Variants in NOP2 observed in about 807,000 individuals in gnomAD.
NOP2 encodes NOP2 nucleolar protein.
In NOP2, 7 loss-of-function variants were observed where a neutral mutation model predicts 72.7. That is an observed-to-expected ratio of 0.10 (90% confidence interval 0.05 to 0.18). NOP2 has a LOEUF of 0.18. NOP2 is among the 10% of genes least tolerant of loss of function. NOP2 has a pLI of 1.00. For missense variants in NOP2, 954 were observed against 1,014.7 expected (o/e 0.94, Z 0.81); for synonymous variants, 387 against 388.0 (o/e 1.00, Z 0.03).
At chr12:6,567,948 G>A (rs746541453) in intron 1 of NOP2, 26 bp from the exon 2 acceptor site, 1 of 1,578,936 alleles carries the variant, frequency 6.3e-7, no homozygotes. Flanking sequence ...ATGGGAGAAG[G>A]TGGCGTCGCG....
At chr12:6,558,613 T>C (rs527465041) in intron 15 of NOP2, among the ~76,000 whole-genome samples, 1 of 149,358 alleles carries the variant, frequency 6.7e-6, no homozygotes, top group East Asian at 1.9e-4. Context: ...TATTTATCTT[T>C]TTTTTTTTTT....
At position 6,560,529 on chromosome 12, in the gene NOP2, T is replaced by C. The variant is rs772238735; in HGVS notation, c.1478A>G (p.Glu493Gly). 17 of 1,603,924 alleles carry C rather than the reference T, an allele frequency of 1.1e-5. No homozygotes were observed. The highest frequency in any genetic ancestry group is 1.4e-5 in the Non-Finnish European group (16 of 1,174,240). Residue 493 changes from glutamate to glycine, a missense_variant, in exon 14 of 16, where the codon GAG (glutamate) becomes GGG (glycine). Glu to Gly is a moderately conservative substitution (Grantham distance 98, BLOSUM62 -2). Coordinates refer to ENST00000322166, the MANE Select transcript of NOP2 (RefSeq NM_001258308.2). The surrounding 1 kb of genome is among the most constrained non-coding windows in gnomAD (Gnocchi z 5.0). ...AGAGTCAATAGCACTCAGGAGCAACTCCTTCTGGAGGTGAGCACAGCGCAG... is the reference window on the plus strand; with the variant it reads ...AGAGTCAATAGCACTCAGGAGCAACCCCTTCTGGAGGTGAGCACAGCGCAG... ...DILRCAHLQKELLLSAIDSVN... is the reference protein window; with the variant it reads ...DILRCAHLQKGLLLSAIDSVN...
intron 15 of NOP2, 123 bp from the exon 16 acceptor site, chr12:6,557,765 G>T (rs1343525446): frequency 2.0e-6 from 2 of 1,016,232 alleles, no homozygotes; most frequent in South Asian, 1.6e-5. Context: ...TTAGGTCAGT[G>T]CCTAAGAGCA....
intron 9 of NOP2, among the ~76,000 whole-genome samples, 164 bp from the exon 10 acceptor site, chr12:6,562,135 C>T (rs1947668711): frequency 6.6e-6 from 1 of 151,926 alleles, no homozygotes; most frequent in African/African-American, 2.4e-5. Context: ...GGACAACGGG[C>T]ATGTACCACC....
rs1214338291 is a variant in NOP2 at position 6,561,958 on chromosome 12, C to T, written c.992G>A (p.Arg331His). ...RRDLAQALIN[R>H]GVNLDPLGKW... is the part of the protein sequence containing the mutation. ...GCCCAGGGGATCCAGGTTAACCCCA[C>T]GATTGATTAGAGCCTGAAAAGGGAT... Residue 331 changes from arginine (R) to histidine (H), a missense_variant, in exon 10 of 16, where the codon CGT becomes CAT. Transcript: ENST00000322166. The T allele has an allele frequency of 5.0e-6, 8 of 1,606,200 alleles. No individual in the cohort carries two copies. The highest frequency in any genetic ancestry group is 1.1e-5 in the South Asian group (1 of 90,218).
At position 6,557,320 on chromosome 12, in the gene NOP2, T is replaced by G; in HGVS notation, c.2112A>C (p.Lys704Asn). 2 of 1,614,036 alleles carry G rather than the reference T, an allele frequency of 1.2e-6. No individual in the cohort carries two copies. Among genetic ancestry groups the G allele is most frequent in the Non-Finnish European group, 1.7e-6 (2 of 1,179,890 alleles). The change falls in exon 16 of 16, where the codon AAA (lysine) becomes AAC (asparagine). Residue 704 changes from lysine (K) to asparagine (N), a missense_variant. Physicochemically the swap from Lys to Asn is moderately conservative, Grantham distance 94. This residue lies in a region of NOP2 where 269 missense variants were observed against 260.2 expected (regional missense o/e 1.03). Coordinates refer to ENST00000322166, the MANE Select transcript of NOP2 (RefSeq NM_001258308.2). ...VTGKLKQRSP[K>N]LQSSKKVAFL... ...AAGCAACTTTCTTGGAGGACTGTAA[T>G]TTAGGTGATCGTTGCTTTAGCTTCC... is the stretch of plus-strand genomic sequence containing the variant.
At chr12:6,563,989 T>C in intron 5 of NOP2, 43 bp from the exon 6 acceptor site, 1 of 1,600,136 alleles carries the variant, frequency 6.2e-7, no homozygotes, top group Non-Finnish European at 8.5e-7. Context: ...TGCCCTTCCA[T>C]CAGCCCTTGT....
rs1335065578 is a variant in NOP2 at position 6,568,264 on chromosome 12, G to A, written c.-62C>T. 1 of 217,792 alleles carries A rather than the reference G, an allele frequency of 4.6e-6. No homozygotes were observed. The highest frequency in any genetic ancestry group is 8.0e-5 in the South Asian group (1 of 12,538). The allele number at this position is 217,792 out of a possible 1,614,324, so 13.5% of individuals were successfully genotyped here. On this transcript the variant is annotated 5_prime_UTR_variant, in exon 1 of 16. Coordinates refer to ENST00000322166, the MANE Select transcript of NOP2 (RefSeq NM_001258308.2). ...CGGGCGGCCCTCCACGTGCAATCCG[G>A]ACCTAGCTTTCGGCCGGCACTCGCC...
intron 2 of NOP2, chr12:6,567,611 A>G: frequency 2.1e-6 from 1 of 481,954 alleles, no homozygotes; most frequent in Non-Finnish European, 3.7e-6. Context: ...CCTTGCATGA[A>G]TAATAGTTGT....
rs763431749 is a variant in NOP2 at position 6,560,990 on chromosome 12, G to A, written c.1288C>T (p.His430Tyr). 6.2e-7 allele frequency: 1 copy of A among 1,614,010 alleles called. No homozygotes were observed. The highest frequency in any genetic ancestry group is 1.1e-5 in the South Asian group (1 of 91,086). ...ATGGTGTTGGTGACTCCCAGCCGATGCAAGTTGCCCACAACACTCTTGAGC... is the reference window on the plus strand; with the variant it reads ...ATGGTGTTGGTGACTCCCAGCCGATACAAGTTGCCCACAACACTCTTGAGC... Reference protein sequence around the residue: ...ERLKSVVGNLHRLGVTNTIIS... With the variant: ...ERLKSVVGNLYRLGVTNTIIS... The change falls in exon 12 of 16, where the codon CAT becomes TAT. Residue 430 changes from histidine (H) to tyrosine (Y), a missense_variant. Physicochemically the swap from His to Tyr is moderately conservative, Grantham distance 83. Around this residue, in one of 3 missense-constraint regions of NOP2, gnomAD observed 187 missense variants for 276.2 expected, o/e 0.68. Transcript: ENST00000322166. The surrounding 1 kb of genome is among the most constrained non-coding windows in gnomAD (Gnocchi z 5.0).
At position 6,560,836 on chromosome 12, in the gene NOP2, G is replaced by A. The variant is rs534654134; in HGVS notation, c.1348-49C>T. On this transcript the variant is annotated intron_variant, in intron 12 of 15. Transcript: ENST00000322166. This position sits in a 1 kb window ranked among gnomAD's most constrained non-coding sequence, Gnocchi z 5.0. Reference sequence around the variant, plus strand: ...CATATGTCTCTTCTGCAACCAGCAGGGCAATATTTACTAGGGTCGAGTCTA... The same window carrying A: ...CATATGTCTCTTCTGCAACCAGCAGAGCAATATTTACTAGGGTCGAGTCTA... 43 of 1,607,946 alleles carry A rather than the reference G, an allele frequency of 2.7e-5. No homozygotes were observed. The highest frequency in any genetic ancestry group is 3.7e-5 in the Non-Finnish European group (43 of 1,176,752).
chr12:6,567,957 C>T (rs771317188), intron 1 of NOP2, 35 bp from the exon 2 acceptor site: 12 of 1,557,410 alleles, frequency 7.7e-6, no homozygotes, highest in Middle Eastern at 3.3e-4. Context: ...GGTGGCGTCG[C>T]GCGTGTCGGA....
intron 5 of NOP2, 85 bp from the exon 6 acceptor site, chr12:6,564,031 CTAAA>C (rs1947716424): frequency 1.3e-6 from 2 of 1,548,092 alleles, no homozygotes; most frequent in Non-Finnish European, 1.7e-6. Flanking sequence ...TATTTTTTCG[CTAAA>C]TAAAAATCCA....
At position 6,566,167 on chromosome 12, in the gene NOP2, G is replaced by A. The variant is rs370300418; in HGVS notation, c.408C>T (p.Asp136=). ...VNHGDLWGSE[D]DADTVDDYGA... ...CATAGTCATCTACCGTATCAGCATC[G>A]TCCTCGGAGCCCCAGAGGTCCCCGT... Residue 136 remains aspartate (D), a synonymous_variant, in exon 5 of 16, where the codon GAC becomes GAT. Transcript: ENST00000322166. 2,269 of 1,613,856 alleles carry A rather than the reference G, an allele frequency of 1.4e-3. 56 individuals are homozygous for A. In the South Asian group the frequency reaches 0.022, roughly 15 times the overall value.
chr12:6,566,173 G>C lies in NOP2; in HGVS notation c.402C>G (p.Ser134=), dbSNP rs370355057. The change falls in exon 5 of 16, where the codon TCC becomes TCG. Residue 134 remains serine (S), a synonymous_variant. Coordinates refer to ENST00000322166, the MANE Select transcript of NOP2 (RefSeq NM_001258308.2). ...GMVNHGDLWG[S]EDDADTVDDY... is the part of the protein sequence containing the mutation. ...CATCTACCGTATCAGCATCGTCCTCGGAGCCCCAGAGGTCCCCGTGGTTCA... is the reference window on the plus strand; with the variant it reads ...CATCTACCGTATCAGCATCGTCCTCCGAGCCCCAGAGGTCCCCGTGGTTCA... 6.2e-7 allele frequency: 1 copy of C among 1,613,874 alleles called. No homozygotes were observed. Among genetic ancestry groups the C allele is most frequent in the Non-Finnish European group, 8.5e-7 (1 of 1,179,868 alleles).
At position 6,567,885 on chromosome 12, in the gene NOP2, G is replaced by A. The variant is rs1347647581; in HGVS notation, c.34C>T (p.Arg12Trp). ...TTCCGGGCCTTTCGGCCTGGCCCCCGCTTCTCCTTCGTAGGGTCCAACTTG... is the reference window on the plus strand; with the variant it reads ...TTCCGGGCCTTTCGGCCTGGCCCCCACTTCTCCTTCGTAGGGTCCAACTTG... ...GRKLDPTKEK[R>W]GPGRKARKQK... Residue 12 changes from arginine to tryptophan, a missense_variant, in exon 2 of 16, where the codon CGG (arginine) becomes TGG (tryptophan). Transcript: ENST00000322166. The A allele has an allele frequency of 2.5e-6, 4 of 1,613,994 alleles. No individual in the cohort carries two copies. The highest frequency in any genetic ancestry group is 3.4e-6 in the Non-Finnish European group (4 of 1,179,880).
chr12:6,558,272 G>T lies in NOP2; in HGVS notation c.1790-630C>A, dbSNP rs566890361. The T allele has an allele frequency of 2.7e-4, 69 of 251,094 alleles. 1 individual carries two copies. Among genetic ancestry groups the T allele is most frequent in the African/African-American group, 6.3e-4 (26 of 41,422 alleles). 15.6% of individuals were successfully genotyped at this position (251,094 alleles called of 1,614,324 possible). ...AAGAGGTGATTCTCAGGGTTTTGGG[G>T]TTTTTTTTTTCTTTTTTTGAGATGG... is the stretch of plus-strand genomic sequence containing the variant. On this transcript the variant is annotated intron_variant, in intron 15 of 15. Transcript: ENST00000322166.
chr12:6,566,655 G>C (rs761306138), intron 3 of NOP2, 38 bp from the exon 4 acceptor site: 3 of 1,605,168 alleles, frequency 1.9e-6, no homozygotes, highest in Non-Finnish European at 1.7e-6. Flanking sequence ...TGAAGAAATG[G>C]GAAGATACTT....
intron 2 of NOP2, 96 bp from the exon 3 acceptor site, chr12:6,566,918 A>ATTCTC: frequency 4.3e-6 from 4 of 940,162 alleles, no homozygotes; most frequent in African/African-American, 1.7e-5. Flanking sequence ...TAGTACACTA[A>ATTCTC]TTAAAAGGAG....
Sources: allele counts gnomAD v4.1 joint callset (sites outside exome capture counted in the v4.1 genomes callset), GRCh38; gene constraint gnomAD v4.1.1; regional missense constraint gnomAD v4.1.1; non-coding constraint Gnocchi (gnomAD v3.1); transcripts MANE v1.5; gene names NCBI Gene and HGNC (gene_info 2026-07-23, HGNC 2026-07-21).